The following SEPTIN7 variants were observed in gnomAD, a reference collection of about 807,000 sequenced individuals.
SEPTIN7 encodes the protein septin 7.
In SEPTIN7, 10 loss-of-function variants were observed where a neutral mutation model predicts 63.3. The ratio of observed to expected loss-of-function variants is 0.16; its 90% CI spans 0.10 to 0.27. The LOEUF (loss-of-function observed/expected upper bound fraction) is 0.27, where lower values mean the gene tolerates loss of function less well. SEPTIN7 is among the 10% of genes least tolerant of loss of function. The probability of loss-of-function intolerance (pLI) is 1.00; values close to 1 mark genes in which losing one functional copy is unlikely to be tolerated. For synonymous variants in SEPTIN7, 131 were observed against 165.3 expected, an observed-to-expected ratio of 0.79 and a Z score of 1.59; for missense variants, 310 against 521.0, an observed-to-expected ratio of 0.59 and a Z score of 3.94.
At chr7:35,883,808 C>G in intron 8 of SEPTIN7, 83 bp from the exon 9 acceptor site, 1 of 679,176 alleles carries the variant, frequency 1.5e-6, no homozygotes, top group Non-Finnish European at 2.3e-6. Flanking sequence ...TTTGGCTAAC[C>G]TGTTGAGTAA....
intron 3 of SEPTIN7, among the ~76,000 whole-genome samples, chr7:35,833,127 A>G (rs922636548): frequency 4.6e-5 from 7 of 152,140 alleles, no homozygotes; most frequent in Middle Eastern, 3.4e-3. Context: ...ATGGTGGGTG[A>G]TAGTGTTGGA....
intron 1 of SEPTIN7, among the ~76,000 whole-genome samples, chr7:35,815,365 AT>A (rs1223318365): frequency 6.6e-6 from 1 of 152,190 alleles, no homozygotes; most frequent in Non-Finnish European, 1.5e-5. Flanking sequence ...ATACATCTGT[AT>A]TTTTGTATAT....
intron 1 of SEPTIN7, among the ~76,000 whole-genome samples, chr7:35,829,150 T>TTTTTTG (rs1783685662): frequency 6.9e-6 from 1 of 144,888 alleles, no homozygotes; most frequent in African/African-American, 2.6e-5. Context: ...TTTTTTTTTT[T>TTTTTTG]TTGGAGACGG....
chr7:35,891,686 C>A (rs1029994159), intron 11 of SEPTIN7, among the ~76,000 whole-genome samples: 1 of 152,142 alleles, frequency 6.6e-6, no homozygotes, highest in African/African-American at 2.4e-5. Context: ...TTACTGTACA[C>A]TACTGTGGAC....
At chr7:35,839,523 T>TTATGTTATG (rs1554280666) in intron 3 of SEPTIN7, among the ~76,000 whole-genome samples, 9 of 148,188 alleles carry the variant, frequency 6.1e-5, no homozygotes, top group Non-Finnish European at 1.3e-4. Context: ...ATTTTTGTAA[T>TTATGTTATG]TTATGTTATG....
chr7:35,814,368 T>C (rs1788916602), intron 1 of SEPTIN7, among the ~76,000 whole-genome samples: 11 of 152,354 alleles, frequency 7.2e-5, no homozygotes, highest in Admixed American at 5.9e-4. Flanking sequence ...ATTTTCCTAA[T>C]GACTAATGAT....
intron 8 of SEPTIN7, among the ~76,000 whole-genome samples, chr7:35,883,575 T>A (rs2116290768): frequency 6.8e-6 from 1 of 146,742 alleles, no homozygotes. Flanking sequence ...CAATATAGTT[T>A]TTACCTTTTA....
the SEPTIN7 span, among the ~76,000 whole-genome samples, chr7:35,914,659 C>G: frequency 2.5e-3 from 135 of 54,322 alleles, 1 homozygote; most frequent in Non-Finnish European, 5.7e-3. Flanking sequence ...CTCTCTCTCT[C>G]TATATATATA....
intron 10 of SEPTIN7, among the ~76,000 whole-genome samples, chr7:35,890,284 T>C (rs1309516920): frequency 2.0e-5 from 3 of 152,190 alleles, no homozygotes; most frequent in Non-Finnish European, 4.4e-5. Flanking sequence ...ACCTTAGTAA[T>C]ATTGCTAAAA....
intron 3 of SEPTIN7, among the ~76,000 whole-genome samples, chr7:35,856,022 A>G (rs1424430325): frequency 6.6e-6 from 1 of 152,162 alleles, no homozygotes; most frequent in Admixed American, 6.5e-5. Flanking sequence ...TCAAACTTCC[A>G]TGTGTTTCTA....
intron 1 of SEPTIN7, among the ~76,000 whole-genome samples, chr7:35,820,139 A>T (rs913519482): frequency 6.6e-6 from 1 of 152,086 alleles, no homozygotes; most frequent in African/African-American, 2.4e-5. Flanking sequence ...GATGTCAGCT[A>T]TTCTTATTTA....
chr7:35,898,073 G>A (rs1788060746), intron 11 of SEPTIN7, 175 bp from the exon 12 acceptor site: 1 of 465,926 alleles, frequency 2.1e-6, no homozygotes, highest in African/African-American at 2.0e-5. Context: ...TTGTTTTTTA[G>A]ATTTTTTTCA....
chr7:35,894,664 T>G lies in SEPTIN7; in HGVS notation c.999-3584T>G, dbSNP rs185619877. 5.2e-4 allele frequency among the ~76,000 whole-genome samples: 79 copies of G among 152,308 alleles called. 2 individuals are homozygous for G. The East Asian group carries it at 5.8e-3, about 11-fold the overall frequency. ...TTATTACTCAAAATTTTTAGAAATT[T>G]TTATTGAACTTTGAAATTATTTAAG... On this transcript the variant is annotated intron_variant, in intron 11 of 13. Transcript: ENST00000350320.
intron 2 of SEPTIN7, chr7:35,832,575 C>T (rs1395158464): frequency 3.4e-5 from 12 of 354,778 alleles, no homozygotes; most frequent in South Asian, 6.2e-5. Flanking sequence ...TATTTCATTC[C>T]CTTGGATTTT....
intron 7 of SEPTIN7, among the ~76,000 whole-genome samples, chr7:35,882,150 T>G (rs1017263149): frequency 6.6e-6 from 1 of 152,024 alleles, no homozygotes; most frequent in Admixed American, 6.6e-5. Flanking sequence ...TCATTGTAAA[T>G]AAATGACCTA....
chr7:35,847,178 G>A (rs73324329), intron 3 of SEPTIN7: 5,297 of 158,940 alleles, frequency 0.033, 327 homozygotes, highest in African/African-American at 0.12. Context: ...GCACACAGTC[G>A]TGCAGTGTGA....
At chr7:35,875,092 C>G (rs1786391697) in intron 6 of SEPTIN7, among the ~76,000 whole-genome samples, 1 of 152,102 alleles carries the variant, frequency 6.6e-6, no homozygotes, top group Non-Finnish European at 1.5e-5. Context: ...TTTAGTAATT[C>G]TCATGAAGTC....
intron 1 of SEPTIN7, among the ~76,000 whole-genome samples, chr7:35,826,113 T>C (rs1276471628): frequency 6.6e-6 from 1 of 152,046 alleles, no homozygotes; most frequent in African/African-American, 2.4e-5. Context: ...AGACCAGTTA[T>C]ACTTAAAATA....
chr7:35,846,763 TG>T (rs1421145736), intron 3 of SEPTIN7: 4 of 155,332 alleles, frequency 2.6e-5, no homozygotes, highest in African/African-American at 9.7e-5. Context: ...AAAATTCTAC[TG>T]ATTAGACCCA....
Sources: gnomAD v4.1 joint callset for allele counts (sites outside exome capture counted in the v4.1 genomes callset) on GRCh38, gnomAD v4.1.1 for gene constraint, MANE v1.5 for transcripts, NCBI Gene and HGNC (gene_info 2026-07-23, HGNC 2026-07-21) for gene names.